CNTN4: variants seen among roughly 807,000 people sequenced by gnomAD.
CNTN4 encodes contactin-4.
Under a neutral mutation model 122.5 loss-of-function variants are expected in CNTN4, and 77 were observed. The observed-to-expected ratio is 0.63, with a 90% confidence interval of 0.52 to 0.76. The LOEUF is 0.76. Among genes scored for constraint, CNTN4 ranks in the 30% least tolerant of loss-of-function variants. The pLI is 0.00. For synonymous variants in CNTN4, 512 were observed against 447.0 expected (o/e 1.15, Z -1.83); for missense variants, 1,256 against 1,259.1 (o/e 1.00, Z 0.04).
At chr3:2,412,403 C>T (rs1439942686) in intron 3 of CNTN4, among the ~76,000 whole-genome samples, 1 of 152,068 alleles carries the variant, frequency 6.6e-6, no homozygotes, top group Admixed American at 6.6e-5. Flanking sequence ...AGGTCCCCAC[C>T]ACCATGCCCA....
At chr3:2,354,345 A>G (rs1335419867) in intron 3 of CNTN4, among the ~76,000 whole-genome samples, 1 of 152,174 alleles carries the variant, frequency 6.6e-6, no homozygotes, top group African/African-American at 2.4e-5. Context: ...AGGCTGGCCA[A>G]TGTGGCGAAA....
At chr3:2,797,070 AG>A (rs2092208976) in intron 6 of CNTN4, among the ~76,000 whole-genome samples, 1 of 152,118 alleles carries the variant, frequency 6.6e-6, no homozygotes, top group Non-Finnish European at 1.5e-5. Context: ...GCATGATCAA[AG>A]CTCACTGCAG....
chr3:2,353,875 G>A (rs1397119113), intron 3 of CNTN4, among the ~76,000 whole-genome samples: 1 of 152,016 alleles, frequency 6.6e-6, no homozygotes, highest in Non-Finnish European at 1.5e-5. Context: ...CTCCAGCCTG[G>A]GCGACAGAGC....
intron 3 of CNTN4, among the ~76,000 whole-genome samples, chr3:2,472,321 A>G (rs1384693113): frequency 6.6e-6 from 1 of 151,946 alleles, no homozygotes; most frequent in Non-Finnish European, 1.5e-5. Flanking sequence ...GCTCACTGCA[A>G]CTTCCACCTC....
intron 2 of CNTN4, among the ~76,000 whole-genome samples, chr3:2,154,103 G>A (rs958942412): frequency 6.6e-6 from 1 of 151,932 alleles, no homozygotes; most frequent in African/African-American, 2.4e-5. Context: ...GGATATGACT[G>A]GCCAGGCATG....
At chr3:2,800,987 C>T (rs538029657) in intron 6 of CNTN4, among the ~76,000 whole-genome samples, 41 of 152,362 alleles carry the variant, frequency 2.7e-4, no homozygotes, top group African/African-American at 9.6e-4. Flanking sequence ...TCCCAGCTCT[C>T]TCAATCCCTC....
chr3:2,387,304 C>A (rs969714697), intron 3 of CNTN4, among the ~76,000 whole-genome samples: 1 of 152,090 alleles, frequency 6.6e-6, no homozygotes, highest in African/African-American at 2.4e-5. Flanking sequence ...GTTGGCAAAT[C>A]ACTTATTAAA....
At chr3:2,998,490 C>A (rs555087087) in intron 14 of CNTN4, among the ~76,000 whole-genome samples, 1 of 152,224 alleles carries the variant, frequency 6.6e-6, no homozygotes, top group African/African-American at 2.4e-5. Context: ...ACAAAGCCTG[C>A]AAACTTAGGA....
intron 4 of CNTN4, among the ~76,000 whole-genome samples, chr3:2,659,310 A>G (rs965638548): frequency 2.0e-5 from 3 of 152,032 alleles, no homozygotes; most frequent in Admixed American, 2.0e-4. Flanking sequence ...AAAAATACAA[A>G]AATTAGCCAG....
intron 4 of CNTN4, among the ~76,000 whole-genome samples, chr3:2,726,538 A>T (rs1016093781): frequency 1.3e-5 from 2 of 152,210 alleles, no homozygotes; most frequent in Non-Finnish European, 2.9e-5. Flanking sequence ...CTACATAGTT[A>T]TGCCAGTAGG....
chr3:2,195,195 C>T (rs1269910639), intron 2 of CNTN4, among the ~76,000 whole-genome samples: 2 of 152,222 alleles, frequency 1.3e-5, no homozygotes, highest in African/African-American at 4.8e-5. Flanking sequence ...ATGCCGGGAT[C>T]ATTTCACTTA....
At chr3:2,568,681 G>A (rs1178698398) in intron 3 of CNTN4, among the ~76,000 whole-genome samples, 1 of 152,114 alleles carries the variant, frequency 6.6e-6, no homozygotes, top group Non-Finnish European at 1.5e-5. Flanking sequence ...CAGAAAACCG[G>A]ATGCTTTGGT....
At chr3:2,963,742 C>T (rs7612215) in intron 13 of CNTN4, among the ~76,000 whole-genome samples, 18,216 of 152,218 alleles carry the variant, frequency 0.12, 1,543 homozygotes, top group East Asian at 0.4. Flanking sequence ...CATATTACTG[C>T]ACTAACTTAT....
intron 4 of CNTN4, among the ~76,000 whole-genome samples, chr3:2,694,274 C>A (rs980136126): frequency 2.6e-5 from 4 of 152,184 alleles, no homozygotes; most frequent in Non-Finnish European, 5.9e-5. Context: ...TCTGCTGTAG[C>A]TGACAATGTC....
At chr3:3,043,748 G>C in intron 23 of CNTN4, 44 bp downstream of exon 23, 1 of 1,216,622 alleles carries the variant, frequency 8.2e-7, no homozygotes, top group Non-Finnish European at 1.2e-6. Context: ...CGTGCTGTGA[G>C]TGGGGGCAGT....
chr3:2,622,322 C>T (rs1423827097), intron 4 of CNTN4, among the ~76,000 whole-genome samples: 1 of 152,130 alleles, frequency 6.6e-6, no homozygotes, highest in East Asian at 1.9e-4. Flanking sequence ...TACTAGACAC[C>T]TGGCTGCAGG....
chr3:2,180,092 A>G (rs143070031), intron 2 of CNTN4, among the ~76,000 whole-genome samples: 103 of 152,012 alleles, frequency 6.8e-4, no homozygotes, highest in Non-Finnish European at 1.1e-3. Context: ...TTGTATCTAC[A>G]TGGTAGATAA....
In CNTN4 at chr3:2,571,560, TAG is replaced by T; in HGVS notation, c.55+5_55+6del. 1.9e-6 allele frequency: 3 copies of T among 1,610,310 alleles called. No individual in the cohort carries two copies. Among genetic ancestry groups the T allele is most frequent in the Non-Finnish European group, 2.5e-6 (3 of 1,176,546 alleles). ...AATCATTCATTTTGTGCCTTGCAGG[TAG>T]AGTGTCATTTTAAAACTTTTTGATT... On this transcript the variant is annotated splice_donor_region_variant and intron_variant, in intron 4 of 24. Transcript: ENST00000418658.
chr3:2,974,186 T>G (rs1447011424), intron 13 of CNTN4, among the ~76,000 whole-genome samples: 3 of 152,206 alleles, frequency 2.0e-5, no homozygotes, highest in Non-Finnish European at 4.4e-5. Context: ...TGGAATATAA[T>G]ACCTTAGGTG....
Sources: gnomAD v4.1 joint callset for allele counts (sites outside exome capture counted in the v4.1 genomes callset) on GRCh38, gnomAD v4.1.1 for gene constraint, MANE v1.5 for transcripts, NCBI Gene and HGNC (gene_info 2026-07-23, HGNC 2026-07-21) for gene names.